The following SPON1 variants were observed in gnomAD, a reference collection of about 807,000 sequenced individuals.
SPON1 encodes the protein spondin 1.
Under a neutral mutation model 111.7 loss-of-function variants are expected in SPON1, and 52 were observed. The observed-to-expected ratio is 0.47, with a 90% CI of 0.37 to 0.59. SPON1 has a LOEUF of 0.59. SPON1 is among the 20% of genes least tolerant of loss of function. SPON1 has a pLI of 0.00. For missense variants in SPON1, 957 were observed against 1,068.5 expected (o/e 0.90, Z 1.46); for synonymous variants, 410 against 395.8 (o/e 1.04, Z -0.43).
intron 2 of SPON1, among the ~76,000 whole-genome samples, chr11:14,037,414 A>G (rs968862312): frequency 6.6e-6 from 1 of 152,160 alleles, no homozygotes; most frequent in African/African-American, 2.4e-5. Flanking sequence ...AAGCCCAGAA[A>G]TAGACCCACA....
intron 6 of SPON1, among the ~76,000 whole-genome samples, chr11:14,212,054 T>G (rs1238984907): frequency 1.3e-5 from 2 of 152,178 alleles, no homozygotes; most frequent in Admixed American, 6.5e-5. Flanking sequence ...TTATCAATTT[T>G]TCTTTTGACA....
chr11:14,049,447 A>G (rs1848692636), intron 3 of SPON1, among the ~76,000 whole-genome samples: 1 of 152,166 alleles, frequency 6.6e-6, no homozygotes. Context: ...ACACTTGAAC[A>G]GGGCTCCCCA....
intron 6 of SPON1, among the ~76,000 whole-genome samples, chr11:14,231,519 G>A (rs1554938718): frequency 6.6e-6 from 1 of 152,078 alleles, no homozygotes; most frequent in Admixed American, 6.6e-5. Context: ...ACAATCCTCA[G>A]CCTTTTGCTT....
chr11:14,107,650 TAAG>T (rs1849195970), intron 5 of SPON1, among the ~76,000 whole-genome samples: 1 of 147,424 alleles, frequency 6.8e-6, no homozygotes, highest in African/African-American at 2.5e-5. Context: ...GCTAAAAGCC[TAAG>T]AAGTAAACTA....
intron 3 of SPON1, among the ~76,000 whole-genome samples, chr11:14,058,942 A>G (rs199565104): frequency 1.3e-5 from 2 of 152,234 alleles, no homozygotes; most frequent in South Asian, 2.1e-4. Context: ...GCCAGAGTAC[A>G]TCTTTAACAA....
chr11:14,257,314 T>C (rs1554941318), intron 10 of SPON1, among the ~76,000 whole-genome samples: 2 of 152,208 alleles, frequency 1.3e-5, no homozygotes, highest in Admixed American at 6.5e-5. Flanking sequence ...GAATAGCAGC[T>C]GCTCTTATTC....
At chr11:14,026,859 T>C (rs1554915381) in intron 2 of SPON1, among the ~76,000 whole-genome samples, 1 of 152,196 alleles carries the variant, frequency 6.6e-6, no homozygotes, top group African/African-American at 2.4e-5. Context: ...TCCTCCTCTC[T>C]CCCCATTTTT....
intron 6 of SPON1, among the ~76,000 whole-genome samples, chr11:14,232,783 G>A (rs1023582108): frequency 1.9e-4 from 29 of 152,286 alleles, no homozygotes; most frequent in Admixed American, 1.6e-3. Flanking sequence ...CTCAAAAAGC[G>A]CTGTCTGGGC....
intron 6 of SPON1, among the ~76,000 whole-genome samples, chr11:14,215,677 G>T (rs116990347): frequency 6.6e-6 from 1 of 152,326 alleles, no homozygotes; most frequent in East Asian, 1.9e-4. Context: ...GAGTGTCCAA[G>T]AATTTAGTTA....
chr11:14,105,481 T>C (rs1191725549), intron 5 of SPON1, among the ~76,000 whole-genome samples: 1 of 152,184 alleles, frequency 6.6e-6, no homozygotes, highest in Non-Finnish European at 1.5e-5. Context: ...ATAGATATAA[T>C]GTCTTTCTTC....
intron 9 of SPON1, 70 bp from the exon 10 acceptor site, chr11:14,256,547 C>T (rs1050873599): frequency 9.0e-7 from 1 of 1,111,398 alleles, no homozygotes; most frequent in African/African-American, 1.6e-5. Context: ...TTTTAGTCCT[C>T]TTTCACCTTC....
At chr11:14,207,599 C>G (rs1032696390) in intron 6 of SPON1, among the ~76,000 whole-genome samples, 1 of 151,998 alleles carries the variant, frequency 6.6e-6, no homozygotes, top group Non-Finnish European at 1.5e-5. Flanking sequence ...GACTAACAAC[C>G]ATATGAAAAA....
Position 14,066,504 on chromosome 11 carries a change from C to A in SPON1, c.480-8841C>A, listed in dbSNP as rs563939681. ...CTTCCACAACCGGGACTACCTCCTG[C>A]AGCCTATTTATTTCATTCATATGAG... On this transcript the variant is annotated intron_variant, in intron 3 of 15. Transcript: ENST00000576479. Among the ~76,000 whole-genome samples the A allele has an allele frequency of 2.0e-4, 31 of 152,290 alleles. No homozygotes were observed. In the South Asian group the frequency reaches 6.0e-3, roughly 30 times the overall value.
At chr11:13,971,216 G>T (rs1848060869) in intron 1 of SPON1, among the ~76,000 whole-genome samples, 1 of 152,212 alleles carries the variant, frequency 6.6e-6, no homozygotes, top group South Asian at 2.1e-4. Flanking sequence ...GATGGCCTGT[G>T]TCCAGAGTGC....
chr11:13,990,033 G>A (rs962245275), intron 2 of SPON1, among the ~76,000 whole-genome samples: 2 of 152,150 alleles, frequency 1.3e-5, no homozygotes, highest in Admixed American at 6.5e-5. Flanking sequence ...TTGATTTGGG[G>A]TGGAGACTTC....
intron 5 of SPON1, among the ~76,000 whole-genome samples, chr11:14,090,581 G>A (rs1849042820): frequency 6.6e-6 from 1 of 152,088 alleles, no homozygotes; most frequent in Admixed American, 6.5e-5. Flanking sequence ...GAGTGTTACA[G>A]CTCTTAAGGC....
At chr11:14,090,199 GAAAAAA>G (rs3047374) in intron 5 of SPON1, among the ~76,000 whole-genome samples, 13 of 113,262 alleles carry the variant, frequency 1.1e-4, no homozygotes, top group African/African-American at 4.5e-4. Flanking sequence ...ACTAGGGTAT[GAAAAAA>G]AAAAAAAAAA....
intron 15 of SPON1, 117 bp downstream of exon 15, chr11:14,263,092 T>C: frequency 9.4e-7 from 1 of 1,062,482 alleles, no homozygotes; most frequent in Non-Finnish European, 1.3e-6. Flanking sequence ...AGAGTCTGCA[T>C]CTTCTGGAGT....
intron 5 of SPON1, among the ~76,000 whole-genome samples, chr11:14,115,001 G>T (rs1390354084): frequency 6.6e-6 from 1 of 152,126 alleles, no homozygotes; most frequent in Non-Finnish European, 1.5e-5. Context: ...CTGGCTAATG[G>T]CTCCAGGCAG....
Sources: allele counts gnomAD v4.1 joint callset (sites outside exome capture counted in the v4.1 genomes callset), GRCh38; gene constraint gnomAD v4.1.1; transcripts MANE v1.5; gene names NCBI Gene and HGNC (gene_info 2026-07-23, HGNC 2026-07-21).